NPFFR1: variants seen among roughly 807,000 people sequenced by gnomAD.
NPFFR1 encodes the protein G-protein coupled receptor 147.
A neutral mutation model predicts 12.7 loss-of-function variants in NPFFR1; 17 were observed. That is an observed-to-expected ratio of 1.34 (90% CI 0.92 to 2.01). NPFFR1 has a LOEUF of 2.01. Ranked by LOEUF, NPFFR1 falls within the 30% of genes most tolerant of loss-of-function variation. The pLI, the probability that NPFFR1 is intolerant of heterozygous loss-of-function variation, is 0.00. For synonymous variants in NPFFR1, 296 were observed against 264.5 expected, an observed-to-expected ratio of 1.12 and a Z score of -1.16; for missense variants, 604 against 606.5, an observed-to-expected ratio of 1.00 and a Z score of 0.04.
At chr10:70,282,699 T>A (rs1437795876) in intron 1 of NPFFR1, among the ~76,000 whole-genome samples, 1 of 152,122 alleles carries the variant, frequency 6.6e-6, no homozygotes, top group South Asian at 2.1e-4. Flanking sequence ...AGTTCCCCCA[T>A]TCGATAGATG....
chr10:70,258,887 C>G (rs1188566998), intron 3 of NPFFR1, among the ~76,000 whole-genome samples: 1 of 152,206 alleles, frequency 6.6e-6, no homozygotes, highest in African/African-American at 2.4e-5. Context: ...GTCCTGCCCT[C>G]CTGCCAACCC....
intron 1 of NPFFR1, among the ~76,000 whole-genome samples, chr10:70,275,088 G>C (rs1431798400): frequency 6.6e-6 from 1 of 152,184 alleles, no homozygotes. Flanking sequence ...AGAGCAGGTT[G>C]CCCTTCCAAG....
chr10:70,271,106 G>A (rs1455560280), intron 1 of NPFFR1, among the ~76,000 whole-genome samples: 2 of 152,220 alleles, frequency 1.3e-5, no homozygotes, highest in African/African-American at 4.8e-5. Flanking sequence ...GAGAACCACA[G>A]AATTAAAAGC....
chr10:70,260,624 C>G lies in NPFFR1; in HGVS notation c.422+16G>C. ...CCTAGTTGGCTCAGGCATAATCCAG[C>G]CAGGAAACCTCTCACCTTTCCACAG... is the stretch of plus-strand genomic sequence containing the variant. On this transcript the variant is annotated intron_variant, in intron 3 of 3. Coordinates refer to ENST00000277942, the MANE Select transcript of NPFFR1 (RefSeq NM_022146.5). The G allele has an allele frequency of 1.3e-6, 2 of 1,596,378 alleles. No homozygotes were observed. Among genetic ancestry groups the G allele is most frequent in the Middle Eastern group, 1.7e-4 (1 of 6,038 alleles).
At chr10:70,264,351 G>C (rs1489660674) in intron 2 of NPFFR1, among the ~76,000 whole-genome samples, 1 of 133,800 alleles carries the variant, frequency 7.5e-6, no homozygotes, top group Non-Finnish European at 1.6e-5. Context: ...TCCAGCCCGG[G>C]TGACAGTGAG....
intron 1 of NPFFR1, among the ~76,000 whole-genome samples, chr10:70,272,251 G>GAAAGAAAGAA (rs11447906): frequency 4.4e-5 from 2 of 45,544 alleles, no homozygotes; most frequent in East Asian, 1.1e-3. Context: ...AAAGAAGAAA[G>GAAAGAAAGAA]AAGAAAGAAA....
chr10:70,258,063 A>T (rs1840593105), intron 3 of NPFFR1, among the ~76,000 whole-genome samples: 1 of 152,312 alleles, frequency 6.6e-6, no homozygotes, highest in South Asian at 2.1e-4. Context: ...GAACTCAGAG[A>T]CCGGTGCCGG....
At chr10:70,274,087 G>A (rs1396173958) in intron 1 of NPFFR1, among the ~76,000 whole-genome samples, 2 of 152,170 alleles carry the variant, frequency 1.3e-5, no homozygotes, top group Non-Finnish European at 2.9e-5. Flanking sequence ...GAGAGGAAAG[G>A]ACACTGACCT....
At chr10:70,266,787 G>A (rs1053988001) in intron 1 of NPFFR1, among the ~76,000 whole-genome samples, 2 of 152,196 alleles carry the variant, frequency 1.3e-5, no homozygotes, top group Non-Finnish European at 2.9e-5. Flanking sequence ...GAGATGGGAG[G>A]GCAGGAGCAG....
chr10:70,254,984 G>A lies in NPFFR1; in HGVS notation c.1266C>T (p.Pro422=). The A allele has an allele frequency of 2.1e-6, 3 of 1,443,318 alleles. No homozygotes were observed. Among genetic ancestry groups the A allele is most frequent in the South Asian group, 3.0e-5 (2 of 66,754 alleles). The allele number at this position is 1,443,318 out of a possible 1,614,324, so 89.4% of individuals were successfully genotyped here. ...AGATATCCCAGGCTGGAATGGTGAG[G>A]GGCAGGTGGGAGCAGCCAGGCCCTT... ...PREGPGCSHL[P]LTIPAWDI Residue 422 remains proline, a synonymous_variant, in exon 4 of 4, where the codon CCC becomes CCT. Transcript: ENST00000277942.
chr10:70,283,448 C>T (rs1840882949), intron 1 of NPFFR1, among the ~76,000 whole-genome samples: 4 of 151,144 alleles, frequency 2.6e-5, no homozygotes, highest in Admixed American at 2.6e-4. Context: ...GTTTTTCTGT[C>T]TCACATACAC....
intron 3 of NPFFR1, among the ~76,000 whole-genome samples, chr10:70,259,869 GCTCAGAGTAGTTAGGTGA>G (rs1356112608): frequency 1.3e-5 from 2 of 152,200 alleles, no homozygotes; most frequent in Admixed American, 6.5e-5. Flanking sequence ...GACTACAAGG[GCTCAGAGTAGTTAGGTGA>G]CCCACCCAAC....
In NPFFR1 at chr10:70,255,887, C is replaced by T. The variant is rs1840566892; in HGVS notation, c.423-60G>A. ...GGGTCCTAGGGCCCCTGCGAGGGGA[C>T]GGTGGGTGGGATGCGGGCACCTGAC... is the stretch of plus-strand genomic sequence containing the variant. On this transcript the variant is annotated intron_variant, in intron 3 of 3. Coordinates refer to ENST00000277942, the MANE Select transcript of NPFFR1 (RefSeq NM_022146.5). This position sits in a 1 kb window ranked among gnomAD's most constrained non-coding sequence, Gnocchi z 4.2. 3 of 1,514,998 alleles carry T rather than the reference C, an allele frequency of 2.0e-6. No individual in the cohort carries two copies. Among genetic ancestry groups the T allele is most frequent in the African/African-American group, 2.7e-5 (2 of 72,790 alleles). 93.8% of individuals were successfully genotyped at this position (1,514,998 alleles called of 1,614,324 possible). A position where few individuals can be genotyped will look rare whatever the true frequency, so the allele number is the denominator to read the frequency against.
chr10:70,255,395 C>T lies in NPFFR1; in HGVS notation c.855G>A (p.Pro285=), dbSNP rs1385629269. The T allele has an allele frequency of 1.3e-6, 2 of 1,547,134 alleles. No homozygotes were observed. Among genetic ancestry groups the T allele is most frequent in the Non-Finnish European group, 8.7e-7 (1 of 1,148,486 alleles). ...CGATGAGCAGCAGCAGCGCCCAGAG[C>T]GGCAGCCAGGACAGCGTGAAGAACA... The part of the protein sequence containing the change: ...VALFFTLSWL[P]LWALLLLIDY... The change falls in exon 4 of 4, where the codon CCG becomes CCA. Residue 285 remains proline (P), a synonymous_variant. Coordinates refer to ENST00000277942, the MANE Select transcript of NPFFR1 (RefSeq NM_022146.5). This position sits in a 1 kb window ranked among gnomAD's most constrained non-coding sequence, Gnocchi z 4.2.
chr10:70,258,155 T>C (rs921238243), intron 3 of NPFFR1, among the ~76,000 whole-genome samples: 4 of 152,196 alleles, frequency 2.6e-5, no homozygotes, highest in African/African-American at 9.6e-5. Context: ...CTTATTTCTC[T>C]TTCTCAGTCT....
chr10:70,255,667 T>G lies in NPFFR1; in HGVS notation c.583A>C (p.Asn195His). 1 of 1,600,340 alleles carries G rather than the reference T, an allele frequency of 6.2e-7. No homozygotes were observed. The highest frequency in any genetic ancestry group is 2.3e-5 in the East Asian group (1 of 44,328). Residue 195 changes from asparagine (N) to histidine (H), a missense_variant, in exon 4 of 4, where the codon AAC becomes CAC. By Grantham distance (68) the Asn-to-His change is moderately conservative. Coordinates refer to ENST00000277942, the MANE Select transcript of NPFFR1 (RefSeq NM_022146.5). This position sits in a 1 kb window ranked among gnomAD's most constrained non-coding sequence, Gnocchi z 4.2. ...CAGGAGTAGAGCGGGTAGGAGCGGTTGCGGGCGTCCACCATGAAGTGGTGC... is the reference window on the plus strand; with the variant it reads ...CAGGAGTAGAGCGGGTAGGAGCGGTGGCGGGCGTCCACCATGAAGTGGTGC... The part of the protein sequence containing the change: ...EEHHFMVDAR[N>H]RSYPLYSCWE...
At chr10:70,279,964 G>T (rs752145216) in intron 1 of NPFFR1, among the ~76,000 whole-genome samples, 16 of 152,166 alleles carry the variant, frequency 1.1e-4, no homozygotes, top group Non-Finnish European at 1.6e-4. Flanking sequence ...CAATATATAA[G>T]TGAGAACATG....
At chr10:70,261,117 C>T (rs1840629177) in intron 2 of NPFFR1, among the ~76,000 whole-genome samples, 1 of 152,072 alleles carries the variant, frequency 6.6e-6, no homozygotes, top group Non-Finnish European at 1.5e-5. Flanking sequence ...TGAATTGTAG[C>T]TCCCATAATC....
At chr10:70,273,094 T>C (rs529605175) in intron 1 of NPFFR1, among the ~76,000 whole-genome samples, 1 of 152,354 alleles carries the variant, frequency 6.6e-6, no homozygotes, top group Non-Finnish European at 1.5e-5. Context: ...ATACTGATGA[T>C]GTCACTGGTT....
Sources: allele counts gnomAD v4.1 joint callset (sites outside exome capture counted in the v4.1 genomes callset), GRCh38; gene constraint gnomAD v4.1.1; non-coding constraint Gnocchi (gnomAD v3.1); transcripts MANE v1.5; gene names NCBI Gene and HGNC (gene_info 2026-07-23, HGNC 2026-07-21).